Variants in KSR1 observed in about 807,000 individuals in gnomAD.
KSR1 encodes kinase suppressor of ras 1.
Under a neutral mutation model 92.9 loss-of-function variants are expected in KSR1, and 35 were observed. That is an observed-to-expected ratio of 0.38 (90% CI 0.29 to 0.50). KSR1 has a LOEUF of 0.50. Ranked by LOEUF, KSR1 falls within the 20% of genes least tolerant of loss-of-function variation. The pLI is 0.94. For missense variants in KSR1, 972 were observed against 1,158.5 expected (o/e 0.84, Z 2.34); for synonymous variants, 467 against 472.6 (o/e 0.99, Z 0.15).
intron 5 of KSR1, 113 bp downstream of exon 5, chr17:27,585,774 T>C (rs1157625620): frequency 1.4e-6 from 1 of 716,526 alleles, no homozygotes; most frequent in African/African-American, 1.7e-5. Context: ...AGCCTCTCCA[T>C]AGTCCAGAAG....
intron 1 of KSR1, chr17:27,527,127 C>G (rs1465070572): frequency 5.9e-6 from 2 of 338,818 alleles, no homozygotes; most frequent in Non-Finnish European, 1.2e-5. Context: ...TTCTTACATT[C>G]CAGCACATAT....
intron 9 of KSR1, 77 bp downstream of exon 9, chr17:27,592,703 C>T (rs2073209384): frequency 1.6e-6 from 2 of 1,234,568 alleles, no homozygotes; most frequent in Non-Finnish European, 1.1e-6. Flanking sequence ...GCCTCAGAGG[C>T]TCAGTGGGGA....
At chr17:27,490,775 C>G (rs2068798493) in intron 1 of KSR1, among the ~76,000 whole-genome samples, 2 of 152,144 alleles carry the variant, frequency 1.3e-5, no homozygotes, top group African/African-American at 4.8e-5. Context: ...CCTTAGGATT[C>G]AGCAATCTCA....
In KSR1 at chr17:27,597,347, C is replaced by T. The variant is rs755205312; in HGVS notation, c.1379C>T (p.Ala460Val). The stretch of plus-strand genomic sequence containing the variant: ...ACCTCCTCCACACCCTCCTCACCGG[C>T]GCCCTTCCCGACATCATCCAACCCA... Reference protein sequence around the residue: ...STTSSTPSSPAPFPTSSNPSS... With the variant: ...STTSSTPSSPVPFPTSSNPSS... Residue 460 changes from alanine (A) to valine (V), a missense_variant, in exon 10 of 21, where the codon GCG becomes GTG. Physicochemically the swap from Ala to Val is moderately conservative, Grantham distance 64. This residue lies in a region of KSR1 where 611 missense variants were observed against 668.0 expected (regional missense o/e 0.91). Coordinates refer to ENST00000644974, the MANE Select transcript of KSR1 (RefSeq NM_001394583.1). 31 of 1,613,202 alleles carry T rather than the reference C, an allele frequency of 1.9e-5. No individual in the cohort carries two copies. In the African/African-American group the frequency reaches 2.7e-4, roughly 14 times the overall value.
chr17:27,601,860 G>A (rs1266902282), intron 11 of KSR1: 1 of 1,564,778 alleles, frequency 6.4e-7, no homozygotes, highest in Middle Eastern at 1.7e-4. Context: ...GCTTCTCTTA[G>A]TGGGCTTCAC....
chr17:27,594,645 T>C (rs553851082), intron 9 of KSR1, among the ~76,000 whole-genome samples: 1 of 152,178 alleles, frequency 6.6e-6, no homozygotes, highest in Non-Finnish European at 1.5e-5. Flanking sequence ...TATGATAACA[T>C]AAGCTAACCA....
chr17:27,568,280 C>T (rs1409466641), intron 2 of KSR1, among the ~76,000 whole-genome samples: 2 of 152,210 alleles, frequency 1.3e-5, no homozygotes, highest in African/African-American at 2.4e-5. Flanking sequence ...TGTGGCCTGG[C>T]TCATCTCCCA....
At chr17:27,470,180 T>C (rs1416369464) in intron 1 of KSR1, among the ~76,000 whole-genome samples, 2 of 151,564 alleles carry the variant, frequency 1.3e-5, no homozygotes, top group East Asian at 3.9e-4. Flanking sequence ...CTCACCCTCC[T>C]GAGTAGCTGG....
At chr17:27,457,791 A>G (rs944792314) in intron 1 of KSR1, among the ~76,000 whole-genome samples, 1 of 152,150 alleles carries the variant, frequency 6.6e-6, no homozygotes, top group African/African-American at 2.4e-5. Flanking sequence ...AGACCAGTTA[A>G]TAGCTGCCCC....
chr17:27,497,682 A>G (rs1243232416), intron 1 of KSR1, among the ~76,000 whole-genome samples: 1 of 152,198 alleles, frequency 6.6e-6, no homozygotes. Flanking sequence ...GCAATGAGAT[A>G]GTTTCTTTTT....
At chr17:27,537,231 A>G (rs2070782830) in intron 1 of KSR1, among the ~76,000 whole-genome samples, 1 of 152,206 alleles carries the variant, frequency 6.6e-6, no homozygotes, top group Non-Finnish European at 1.5e-5. Context: ...TAGAACAAGG[A>G]TTCCATATCT....
intron 1 of KSR1, among the ~76,000 whole-genome samples, chr17:27,525,194 G>A (rs555102786): frequency 3.9e-5 from 6 of 152,346 alleles, no homozygotes; most frequent in South Asian, 4.1e-4. Flanking sequence ...TTCCAGCTCC[G>A]CCTCTTACTT....
chr17:27,586,570 G>C (rs1031252693), intron 5 of KSR1, among the ~76,000 whole-genome samples: 1 of 152,160 alleles, frequency 6.6e-6, no homozygotes, highest in Admixed American at 6.5e-5. Flanking sequence ...GAAACTCCCA[G>C]GGCCCTTCAC....
chr17:27,576,658 G>A (rs187587453), intron 2 of KSR1, among the ~76,000 whole-genome samples: 80 of 152,302 alleles, frequency 5.3e-4, no homozygotes, highest in African/African-American at 1.7e-3. Flanking sequence ...TCACGTCTCC[G>A]GTGGGATGGA....
At chr17:27,613,277 G>A (rs1391218939) in intron 18 of KSR1, 3 of 152,466 alleles carry the variant, frequency 2.0e-5, no homozygotes, top group Non-Finnish European at 4.4e-5. Flanking sequence ...GGTGCCTTAG[G>A]AGCGTGTGGT....
chr17:27,545,787 C>T (rs1246287723), intron 1 of KSR1, among the ~76,000 whole-genome samples: 1 of 152,174 alleles, frequency 6.6e-6, no homozygotes, highest in Non-Finnish European at 1.5e-5. Context: ...TAGCAGGGGA[C>T]CGAGTGCCTC....
At chr17:27,486,190 G>A (rs1344880045) in intron 1 of KSR1, among the ~76,000 whole-genome samples, 1 of 152,204 alleles carries the variant, frequency 6.6e-6, no homozygotes, top group Non-Finnish European at 1.5e-5. Context: ...CTGGCTCTGA[G>A]CATTTGTGAT....
At chr17:27,516,810 G>T (rs148159356) in intron 1 of KSR1, among the ~76,000 whole-genome samples, 1 of 152,090 alleles carries the variant, frequency 6.6e-6, no homozygotes, top group Non-Finnish European at 1.5e-5. Context: ...CTGAGAACAT[G>T]TGCCCAAGGT....
At chr17:27,576,543 A>T (rs926464899) in intron 2 of KSR1, among the ~76,000 whole-genome samples, 1 of 152,082 alleles carries the variant, frequency 6.6e-6, no homozygotes, top group African/African-American at 2.4e-5. Context: ...TAAAGTGCCT[A>T]TGTGGGGAGA....
Sources: gnomAD v4.1 joint callset for allele counts (sites outside exome capture counted in the v4.1 genomes callset) on GRCh38, gnomAD v4.1.1 for gene constraint, gnomAD v4.1.1 regional missense constraint, MANE v1.5 for transcripts, NCBI Gene and HGNC (gene_info 2026-07-23, HGNC 2026-07-21) for gene names.